PAM: variants seen among roughly 807,000 people sequenced by gnomAD.
PAM encodes peptidyl-glycine alpha-amidating monooxygenase.
A neutral mutation model predicts 122.1 loss-of-function variants in PAM; 72 were observed. That is an observed-to-expected ratio of 0.59 (90% CI 0.49 to 0.72). PAM has a LOEUF of 0.72. PAM is among the 30% of genes least tolerant of loss of function. The probability of loss-of-function intolerance (pLI) is 0.00; values close to 1 mark genes in which losing one functional copy is unlikely to be tolerated. For synonymous variants in PAM, 389 were observed against 404.4 expected (o/e 0.96, Z 0.46); for missense variants, 1,106 against 1,183.7 (o/e 0.93, Z 0.96).
chr5:102,815,716 T>G (rs1296719049), intron 1 of PAM, among the ~76,000 whole-genome samples: 2 of 152,202 alleles, frequency 1.3e-5, no homozygotes, highest in Non-Finnish European at 2.9e-5. Flanking sequence ...TAGAGTTATC[T>G]CCTAACATGT....
chr5:102,938,796 T>A (rs2151875084), intron 7 of PAM, among the ~76,000 whole-genome samples: 1 of 152,248 alleles, frequency 6.6e-6, no homozygotes, highest in African/African-American at 2.4e-5. Context: ...GCTACAATTC[T>A]GTTTCAGTGA....
At chr5:102,955,861 C>T (rs571630492) in intron 12 of PAM, among the ~76,000 whole-genome samples, 2 of 151,684 alleles carry the variant, frequency 1.3e-5, no homozygotes, top group Non-Finnish European at 3.0e-5. Context: ...ATACAGAAAG[C>T]AATTTGTTTT....
Position 102,932,660 on chromosome 5 carries a change from T to A in PAM, c.526+5992T>A, listed in dbSNP as rs1581845180. ...CTCAAAATAAATAAATAAATATATA[T>A]ATATAAAAAATAAAAAATAGAGTAT... is the stretch of plus-strand genomic sequence containing the variant. On this transcript the variant is annotated intron_variant, in intron 7 of 25. Transcript: ENST00000438793. Among the ~76,000 whole-genome samples the A allele has an allele frequency of 2.0e-5, 3 of 149,368 alleles. No homozygotes were observed. In the South Asian group the frequency reaches 6.3e-4, roughly 31 times the overall value.
chr5:102,805,326 C>G (rs1472987983), intron 1 of PAM, among the ~76,000 whole-genome samples: 1 of 152,098 alleles, frequency 6.6e-6, no homozygotes, highest in Non-Finnish European at 1.5e-5. Context: ...CCTCAGCCTC[C>G]CAATGTGCTG....
intron 11 of PAM, 75 bp from the exon 12 acceptor site, chr5:102,950,642 C>A: frequency 1.1e-6 from 1 of 902,666 alleles, no homozygotes; most frequent in Non-Finnish European, 1.8e-6. Context: ...AGGAACATAC[C>A]TCAACACAGT....
In PAM at chr5:102,844,209, C is replaced by T. The variant is rs188307226; in HGVS notation, c.-373-21614C>T. On this transcript the variant is annotated intron_variant, in intron 1 of 25. Coordinates refer to ENST00000438793, the MANE Select transcript of PAM (RefSeq NM_001177306.2). The stretch of plus-strand genomic sequence containing the variant: ...AGTGCAAAAAGCCAATCTCAGATTA[C>T]GCACTATATGATTCTGTTTATAAAA... 3.5e-4 allele frequency among the ~76,000 whole-genome samples: 53 copies of T among 152,258 alleles called. No individual in the cohort carries two copies. The East Asian group carries it at 7.9e-3, about 23-fold the overall frequency.
At chr5:102,846,337 G>A (rs893606625) in intron 1 of PAM, among the ~76,000 whole-genome samples, 3 of 152,146 alleles carry the variant, frequency 2.0e-5, no homozygotes, top group African/African-American at 7.2e-5. Flanking sequence ...TTGTGCATTG[G>A]CTCCTGCCCT....
intron 12 of PAM, among the ~76,000 whole-genome samples, chr5:102,958,750 T>C (rs1219919792): frequency 6.6e-6 from 1 of 152,160 alleles, no homozygotes; most frequent in African/African-American, 2.4e-5. Flanking sequence ...CAAATCCCTG[T>C]TTGAAAAATA....
intron 1 of PAM, chr5:102,838,139 T>C (rs1777579744): frequency 6.6e-6 from 1 of 152,158 alleles, no homozygotes; most frequent in African/African-American, 2.4e-5. Flanking sequence ...TTTTTAAAAA[T>C]GTAAATAAGT....
intron 1 of PAM, among the ~76,000 whole-genome samples, chr5:102,770,008 G>T (rs1755264053): frequency 6.6e-6 from 1 of 151,802 alleles, no homozygotes; most frequent in South Asian, 2.1e-4. Flanking sequence ...TCCGTTTTGT[G>T]TATGTGTCTG....
rs200857453 is a variant in PAM at position 102,959,913 on chromosome 5, T to C, written c.944T>C (p.Met315Thr). 1 of 1,612,730 alleles carries C rather than the reference T, an allele frequency of 6.2e-7. No individual in the cohort carries two copies. Among genetic ancestry groups the C allele is most frequent in the East Asian group, 2.2e-5 (1 of 44,840 alleles). The part of the protein sequence containing the change: ...SSDEMCNLYI[M>T]YYMEAKHAVS... Reference sequence around the variant, plus strand: ...GATGAAATGTGCAACTTATACATTATGTATTACATGGAAGCCAAGCATGCA... The same window carrying C: ...GATGAAATGTGCAACTTATACATTACGTATTACATGGAAGCCAAGCATGCA... The change falls in exon 13 of 26, where the codon ATG becomes ACG. Residue 315 changes from methionine (M) to threonine (T), a missense_variant. Around this residue, in one of 3 missense-constraint regions of PAM, gnomAD observed 670 missense variants for 690.3 expected, o/e 0.97. Coordinates refer to ENST00000438793, the MANE Select transcript of PAM (RefSeq NM_001177306.2).
chr5:102,826,406 C>T (rs1038940344), intron 1 of PAM, among the ~76,000 whole-genome samples: 1 of 152,062 alleles, frequency 6.6e-6, no homozygotes, highest in Non-Finnish European at 1.5e-5. Flanking sequence ...AATTTGCTAT[C>T]GCTAATAACA....
chr5:102,757,658 C>T (rs1057328821), intron 1 of PAM, among the ~76,000 whole-genome samples: 1 of 152,102 alleles, frequency 6.6e-6, no homozygotes, highest in African/African-American at 2.4e-5. Flanking sequence ...AAAAAATATA[C>T]AGAGATTTAA....
intron 22 of PAM, among the ~76,000 whole-genome samples, chr5:103,018,828 C>G (rs1306693080): frequency 6.6e-6 from 1 of 152,084 alleles, no homozygotes; most frequent in East Asian, 1.9e-4. Context: ...CATTAAGGGA[C>G]CAGTTTCATG....
At chr5:102,976,840 T>C (rs1767835543) in intron 15 of PAM, among the ~76,000 whole-genome samples, 1 of 152,148 alleles carries the variant, frequency 6.6e-6, no homozygotes, top group Non-Finnish European at 1.5e-5. Context: ...ACTTGATTAT[T>C]TCCAATGTGC....
intron 1 of PAM, among the ~76,000 whole-genome samples, chr5:102,809,564 T>TG (rs1767306385): frequency 2.0e-5 from 3 of 152,302 alleles, no homozygotes; most frequent in Admixed American, 6.5e-5. Flanking sequence ...TGCTGACAGG[T>TG]GGGTAAATGG....
intron 3 of PAM, among the ~76,000 whole-genome samples, chr5:102,878,042 A>C (rs1235478787): frequency 3.3e-5 from 5 of 152,146 alleles, no homozygotes; most frequent in African/African-American, 9.7e-5. Flanking sequence ...AAAAAGAAAA[A>C]AAATTCAGTG....
intron 5 of PAM, among the ~76,000 whole-genome samples, chr5:102,921,393 AT>A (rs1392176577): frequency 6.6e-6 from 1 of 152,102 alleles, no homozygotes; most frequent in Non-Finnish European, 1.5e-5. Context: ...AGAAAATATG[AT>A]GCCATTTTCA....
At chr5:102,809,756 T>C (rs1238064503) in intron 1 of PAM, among the ~76,000 whole-genome samples, 2 of 152,248 alleles carry the variant, frequency 1.3e-5, no homozygotes, top group Admixed American at 6.5e-5. Flanking sequence ...TGCTTAAAAA[T>C]TTAAATTTAA....
Sources: allele counts gnomAD v4.1 joint callset (sites outside exome capture counted in the v4.1 genomes callset), GRCh38; gene constraint gnomAD v4.1.1; regional missense constraint gnomAD v4.1.1; transcripts MANE v1.5; gene names NCBI Gene and HGNC (gene_info 2026-07-23, HGNC 2026-07-21).